VPS13A: variants seen among roughly 807,000 people sequenced by gnomAD.
VPS13A encodes vacuolar protein sorting 13 homolog A.
In VPS13A, 264 loss-of-function variants were observed where a neutral mutation model predicts 390.9. The observed-to-expected ratio is 0.68, with a 90% CI of 0.61 to 0.75. The LOEUF (loss-of-function observed/expected upper bound fraction) is 0.75, where lower values mean the gene tolerates loss of function less well. Ranked by LOEUF, VPS13A falls within the 30% of genes least tolerant of loss-of-function variation. The pLI is 0.00. For missense variants in VPS13A, 3,409 were observed against 3,733.9 expected (o/e 0.91, Z 2.27); for synonymous variants, 1,231 against 1,227.1 (o/e 1.00, Z -0.07).
intron 67 of VPS13A, among the ~76,000 whole-genome samples, chr9:77,372,000 C>T (rs1385001944): frequency 6.1e-5 from 9 of 148,050 alleles, no homozygotes; most frequent in African/African-American, 2.2e-4. Context: ...TTTATGGCTG[C>T]ATAGTATTCC....
chr9:77,311,073 C>G (rs990725596), intron 35 of VPS13A, among the ~76,000 whole-genome samples: 1 of 151,998 alleles, frequency 6.6e-6, no homozygotes, highest in South Asian at 2.1e-4. Flanking sequence ...TACAGGTGCC[C>G]ACCACCACAC....
intron 26 of VPS13A, among the ~76,000 whole-genome samples, chr9:77,278,056 T>TA (rs1826791085): frequency 6.6e-6 from 1 of 151,934 alleles, no homozygotes; most frequent in Non-Finnish European, 1.5e-5. Context: ...AAGTTTTTTT[T>TA]ATTATTATTA....
At chr9:77,323,397 G>A (rs1829849371) in intron 45 of VPS13A, among the ~76,000 whole-genome samples, 170 bp downstream of exon 45, 1 of 152,006 alleles carries the variant, frequency 6.6e-6, no homozygotes, top group Non-Finnish European at 1.5e-5. Flanking sequence ...GGTTATGACG[G>A]GTGGTAGGAA....
At chr9:77,356,460 C>G (rs1318089376) in intron 54 of VPS13A, among the ~76,000 whole-genome samples, 1 of 151,848 alleles carries the variant, frequency 6.6e-6, no homozygotes, top group Non-Finnish European at 1.5e-5. Context: ...ATTTTCACTC[C>G]CCCACTAAAA....
chr9:77,206,344 T>TAC (rs61192750), intron 5 of VPS13A, among the ~76,000 whole-genome samples: 1 of 149,278 alleles, frequency 6.7e-6, no homozygotes, highest in East Asian at 2.0e-4. Flanking sequence ...TATATATATA[T>TAC]ACACACACAC....
chr9:77,409,864 A>G (rs1388684438), intron 71 of VPS13A, among the ~76,000 whole-genome samples: 1 of 151,426 alleles, frequency 6.6e-6, no homozygotes, highest in Non-Finnish European at 1.5e-5. Flanking sequence ...AAGTTGGAAA[A>G]CACTCTGCAG....
At chr9:77,308,477 C>T (rs2131410680) in intron 35 of VPS13A, among the ~76,000 whole-genome samples, 1 of 152,182 alleles carries the variant, frequency 6.6e-6, no homozygotes, top group South Asian at 2.1e-4. Flanking sequence ...CCTAGTGTGG[C>T]ATATATCCCA....
At chr9:77,247,442 T>C (rs753543252) in intron 20 of VPS13A, 47 bp downstream of exon 20, 4 of 1,532,732 alleles carry the variant, frequency 2.6e-6, no homozygotes, top group Admixed American at 2.0e-5. Flanking sequence ...TTGGGGTGTT[T>C]CTTTGTTTTA....
At chr9:77,280,128 G>T (rs1389314664) in intron 26 of VPS13A, 31 bp from the exon 27 acceptor site, 4 of 1,508,964 alleles carry the variant, frequency 2.7e-6, no homozygotes, top group Non-Finnish European at 3.6e-6. Flanking sequence ...CCTTTCCGAT[G>T]AAAAGATAAT....
intron 40 of VPS13A, among the ~76,000 whole-genome samples, chr9:77,318,032 A>T (rs1398942717): frequency 6.6e-6 from 1 of 151,936 alleles, no homozygotes; most frequent in Non-Finnish European, 1.5e-5. Flanking sequence ...TGCAAGATTC[A>T]TGTAAATATC....
In VPS13A at chr9:77,238,379, A is replaced by C. The variant is rs1392989040; in HGVS notation, c.1893A>C (p.Thr631=). ...LTKLEEFRSK[T]ATGLLYIIET... Reference sequence around the variant, plus strand: ...AACTGGAAGAATTTCGCAGTAAGACAGCAACAGGTAAATGCCAATATTAAT... The same window carrying C: ...AACTGGAAGAATTTCGCAGTAAGACCGCAACAGGTAAATGCCAATATTAAT... The change falls in exon 19 of 72, where the codon ACA becomes ACC. Residue 631 remains threonine (T), a synonymous_variant. Transcript: ENST00000360280. 1.9e-6 allele frequency: 3 copies of C among 1,611,916 alleles called. No homozygotes were observed. In the Admixed American group the frequency reaches 5.0e-5, roughly 27 times the overall value.
chr9:77,345,068 A>C lies in VPS13A; in HGVS notation c.7215A>C (p.Leu2405Phe). ...LAEHSTVITF[L>F]DYHDGAATFL... The stretch of plus-strand genomic sequence containing the variant: ...AGCATTCTACAGTTATTACATTTTT[A>C]GATTATCATGATGGAGCAGCTACAT... Residue 2405 changes from leucine (L) to phenylalanine (F), a missense_variant, in exon 52 of 72, where the codon TTA becomes TTC. By Grantham distance (22) the Leu-to-Phe change is conservative (BLOSUM62 0). Around this residue, in one of 5 missense-constraint regions of VPS13A, gnomAD observed 2,717 missense variants for 2,917.4 expected, o/e 0.93. Coordinates refer to ENST00000360280, the MANE Select transcript of VPS13A (RefSeq NM_033305.3). 1 of 1,613,274 alleles carries C rather than the reference A, an allele frequency of 6.2e-7. No individual in the cohort carries two copies.
At chr9:77,384,647 T>C (rs1307782917) in intron 68 of VPS13A, 1 of 1,606,438 alleles carries the variant, frequency 6.2e-7, no homozygotes, top group South Asian at 1.1e-5. Context: ...ATGATGATGA[T>C]GATGATGATG....
intron 23 of VPS13A, among the ~76,000 whole-genome samples, chr9:77,269,732 G>A (rs1003108032): frequency 1.3e-5 from 2 of 152,146 alleles, no homozygotes; most frequent in African/African-American, 4.8e-5. Flanking sequence ...GCTAATATAT[G>A]TTGTTAAATT....
At chr9:77,373,062 A>C (rs1330180391) in intron 67 of VPS13A, among the ~76,000 whole-genome samples, 1 of 152,196 alleles carries the variant, frequency 6.6e-6, no homozygotes, top group Non-Finnish European at 1.5e-5. Flanking sequence ...CATACTGCCC[A>C]AGGTAATTTA....
chr9:77,256,460 A>G (rs775316161), intron 22 of VPS13A, among the ~76,000 whole-genome samples: 16 of 152,062 alleles, frequency 1.1e-4, no homozygotes, highest in South Asian at 2.1e-4. Flanking sequence ...AAAAATGTCT[A>G]TTTTCCTGGA....
intron 51 of VPS13A, 108 bp downstream of exon 51, chr9:77,344,389 CT>C: frequency 1.6e-6 from 2 of 1,242,384 alleles, no homozygotes; most frequent in Admixed American, 4.4e-5. Context: ...GATTTTTCCC[CT>C]TTCCCCAAAA....
Position 77,393,544 on chromosome 9 carries a change from A to G in VPS13A, c.9190-9692A>G, listed in dbSNP as rs995011717. Among the ~76,000 whole-genome samples the G allele has an allele frequency of 1.9e-4, 29 of 152,336 alleles. 1 individual carries two copies. Among genetic ancestry groups the G allele is most frequent in the African/African-American group, 4.8e-4 (20 of 41,572 alleles). ...CAAAATGTATTTCTTAAATAATAAG[A>G]CTTGAAAGTTGAAATTACTGTTTGA... On this transcript the variant is annotated intron_variant, in intron 68 of 71. Transcript: ENST00000360280.
intron 5 of VPS13A, among the ~76,000 whole-genome samples, chr9:77,206,409 G>A (rs571906446): frequency 1.5e-4 from 22 of 151,066 alleles, no homozygotes; most frequent in African/African-American, 5.1e-4. Flanking sequence ...ATTTTATCAA[G>A]CATATTTTCT....
Sources: allele counts gnomAD v4.1 joint callset (sites outside exome capture counted in the v4.1 genomes callset), GRCh38; gene constraint gnomAD v4.1.1; regional missense constraint gnomAD v4.1.1; transcripts MANE v1.5; gene names NCBI Gene and HGNC (gene_info 2026-07-23, HGNC 2026-07-21).